Variants in IL19 observed in about 807,000 individuals in gnomAD.
The protein encoded by IL19 is interleukin 19.
A neutral mutation model predicts 19.5 loss-of-function variants in IL19; 15 were observed. The observed-to-expected ratio is 0.77, with a 90% CI of 0.52 to 1.19. The LOEUF is 1.19. Among genes scored for constraint, IL19 ranks in the 50% most tolerant of loss-of-function variants. The probability of loss-of-function intolerance (pLI) is 0.00; values close to 1 mark genes in which losing one functional copy is unlikely to be tolerated. For synonymous variants in IL19, 78 were observed against 78.3 expected (o/e 1.00, Z 0.02); for missense variants, 199 against 213.1 (o/e 0.93, Z 0.41).
intron 1 of IL19, among the ~76,000 whole-genome samples, chr1:206,796,068 C>T (rs1675515655): frequency 1.3e-5 from 2 of 151,876 alleles, no homozygotes; most frequent in Admixed American, 1.3e-4. Flanking sequence ...TGGTATAGTT[C>T]GAAGGCCAGT....
chr1:206,810,505 A>T (rs1675976317), intron 2 of IL19, among the ~76,000 whole-genome samples: 1 of 152,246 alleles, frequency 6.6e-6, no homozygotes, highest in African/African-American at 2.4e-5. Context: ...TCATAAAGAC[A>T]TTAAGAAACA....
intron 2 of IL19, among the ~76,000 whole-genome samples, chr1:206,829,447 C>T (rs1245436954): frequency 1.3e-5 from 2 of 151,916 alleles, no homozygotes; most frequent in African/African-American, 4.8e-5. Flanking sequence ...AGGTTTTGAA[C>T]GTTAGGTTGG....
At chr1:206,814,976 T>C (rs1354536154) in intron 2 of IL19, among the ~76,000 whole-genome samples, 1 of 152,268 alleles carries the variant, frequency 6.6e-6, no homozygotes, top group African/African-American at 2.4e-5. Flanking sequence ...TCATTTATTT[T>C]GCTCACAAAT....
intron 1 of IL19, among the ~76,000 whole-genome samples, chr1:206,778,193 G>A (rs1000786019): frequency 1.5e-4 from 23 of 152,234 alleles, no homozygotes; most frequent in Admixed American, 1.3e-3. Context: ...ATGAGCGGAA[G>A]GGCTGATCTT....
intron 2 of IL19, among the ~76,000 whole-genome samples, chr1:206,836,353 G>T: frequency 6.6e-6 from 1 of 151,088 alleles, no homozygotes; most frequent in East Asian, 2.0e-4. Context: ...AGTAGGCTGT[G>T]TTGAGTCATA....
intron 1 of IL19, among the ~76,000 whole-genome samples, chr1:206,784,349 A>G (rs1675215275): frequency 6.6e-6 from 1 of 152,092 alleles, no homozygotes; most frequent in Admixed American, 6.5e-5. Flanking sequence ...GCGAGCGAAC[A>G]TGAGTGGTTC....
chr1:206,840,861 G>A (rs1476469278), intron 5 of IL19, 143 bp from the exon 6 acceptor site: 8 of 683,348 alleles, frequency 1.2e-5, no homozygotes, highest in African/African-American at 7.1e-5. Context: ...CTATTCTTCC[G>A]TGGCTGCTCC....
intron 1 of IL19, among the ~76,000 whole-genome samples, chr1:206,781,674 C>T (rs958479571): frequency 2.7e-5 from 4 of 150,744 alleles, no homozygotes; most frequent in African/African-American, 4.9e-5. Context: ...TACATGTGCC[C>T]CTCTTAGCTC....
At chr1:206,780,281 T>G (rs1675100804) in intron 1 of IL19, among the ~76,000 whole-genome samples, 1 of 152,210 alleles carries the variant, frequency 6.6e-6, no homozygotes, top group African/African-American at 2.4e-5. Context: ...CCTGTATCTG[T>G]TTTTGATGAG....
chr1:206,834,011 GCCTGCAGGGTA>G (rs1217951593), intron 2 of IL19: 3 of 985,340 alleles, frequency 3.0e-6, no homozygotes, highest in Non-Finnish European at 3.6e-6. Context: ...TTGTGAGTTG[GCCTGCAGGGTA>G]CACTTGGTAA....
At chr1:206,806,447 G>A (rs1367100997) in intron 2 of IL19, among the ~76,000 whole-genome samples, 1 of 152,160 alleles carries the variant, frequency 6.6e-6, no homozygotes, top group Non-Finnish European at 1.5e-5. Context: ...GAGAAAACAA[G>A]TCAAGCATTT....
chr1:206,840,156 C>T (rs749397963), intron 5 of IL19, 154 bp downstream of exon 5: 7 of 848,800 alleles, frequency 8.2e-6, no homozygotes, highest in Admixed American at 1.9e-5. Context: ...GAACCTCTCC[C>T]AGTGGCCACT....
chr1:206,834,450 A>T, intron 2 of IL19: 1 of 985,492 alleles, frequency 1.0e-6, no homozygotes, highest in Non-Finnish European at 1.2e-6. Flanking sequence ...CCGCCATCCT[A>T]GCCCTCCTCC....
At chr1:206,785,092 G>C (rs973987728) in intron 1 of IL19, among the ~76,000 whole-genome samples, 1 of 152,188 alleles carries the variant, frequency 6.6e-6, no homozygotes, top group African/African-American at 2.4e-5. Context: ...AAGGCGAGCA[G>C]GCAGGGAGGA....
At chr1:206,788,223 A>G (rs1209591616) in intron 1 of IL19, among the ~76,000 whole-genome samples, 1 of 152,150 alleles carries the variant, frequency 6.6e-6, no homozygotes, top group Non-Finnish European at 1.5e-5. Context: ...GATACTGTAT[A>G]CTGTGTGCCC....
chr1:206,829,916 T>C (rs1260545424), intron 2 of IL19, among the ~76,000 whole-genome samples: 1 of 152,212 alleles, frequency 6.6e-6, no homozygotes, highest in African/African-American at 2.4e-5. Context: ...TGAAGTGGCA[T>C]AGGTGCCCAA....
At chr1:206,789,726 C>G (rs1675349173) in intron 1 of IL19, among the ~76,000 whole-genome samples, 1 of 152,110 alleles carries the variant, frequency 6.6e-6, no homozygotes, top group East Asian at 1.9e-4. Flanking sequence ...CTGATCCTTT[C>G]CCTCCTCCCA....
In IL19 at chr1:206,798,898, T is replaced by C. The variant is rs1675599519; in HGVS notation, c.-111T>C. 1 of 1,611,024 alleles carries C rather than the reference T, an allele frequency of 6.2e-7. No individual in the cohort carries two copies. Among genetic ancestry groups the C allele is most frequent in the South Asian group, 1.1e-5 (1 of 90,830 alleles). On this transcript the variant is annotated 5_prime_UTR_variant, in exon 2 of 7. Coordinates refer to ENST00000659997, the MANE Select transcript of IL19 (RefSeq NM_153758.5). Reference sequence around the variant, plus strand: ...ACACACTGACAGGAGTCCAAGAATGTGCACTGAGGGAGCGTTTCCGCACAG... The same window carrying C: ...ACACACTGACAGGAGTCCAAGAATGCGCACTGAGGGAGCGTTTCCGCACAG...
chr1:206,831,998 T>C (rs1256234866), intron 2 of IL19, among the ~76,000 whole-genome samples: 3 of 152,242 alleles, frequency 2.0e-5, no homozygotes, highest in Admixed American at 1.3e-4. Flanking sequence ...CATGTGCAGC[T>C]GGGCTCTGAG....
Sources: allele counts gnomAD v4.1 joint callset (sites outside exome capture counted in the v4.1 genomes callset), GRCh38; gene constraint gnomAD v4.1.1; transcripts MANE v1.5; gene names NCBI Gene and HGNC (gene_info 2026-07-23, HGNC 2026-07-21).